BCL11B: variants seen among roughly 807,000 people sequenced by gnomAD.
BCL11B encodes BCL11 transcription factor B.
A neutral mutation model predicts 49.9 loss-of-function variants in BCL11B; 8 were observed. The observed-to-expected ratio is 0.16, with a 90% confidence interval of 0.09 to 0.29. BCL11B has a LOEUF of 0.29. BCL11B is among the 10% of genes least tolerant of loss of function. The pLI is 1.00. For synonymous variants in BCL11B, 739 were observed against 637.4 expected, an observed-to-expected ratio of 1.16 and a Z score of -2.40; for missense variants, 1,006 against 1,351.0, an observed-to-expected ratio of 0.74 and a Z score of 4.00.
At chr14:99,250,535 T>C (rs1457109584) in intron 2 of BCL11B, among the ~76,000 whole-genome samples, 1 of 152,100 alleles carries the variant, frequency 6.6e-6, no homozygotes, top group Non-Finnish European at 1.5e-5. Flanking sequence ...CAGCCTTATT[T>C]CTATAGATTA....
In BCL11B at chr14:99,194,470, C is replaced by T. The variant is rs1383247964; in HGVS notation, c.641-18275G>A. ...TTCTGCCCTGTGGGGCACCCAGAAC[C>T]CCATCCAGTGTTGCCCATGCACCTT... On this transcript the variant is annotated intron_variant, in intron 3 of 3. Coordinates refer to ENST00000357195, the MANE Select transcript of BCL11B (RefSeq NM_138576.4). The surrounding 1 kb of genome is among the most constrained non-coding windows in gnomAD (Gnocchi z 4.6). 6.6e-6 allele frequency among the ~76,000 whole-genome samples: 1 copy of T among 152,198 alleles called. No homozygotes were observed.
In BCL11B at chr14:99,231,537, G is replaced by T; in HGVS notation, c.448C>A (p.Leu150Met). The change falls in exon 3 of 4, where the codon CTG becomes ATG. Residue 150 changes from leucine (L) to methionine (M), a missense_variant. By Grantham distance (15) the Leu-to-Met change is conservative. Coordinates refer to ENST00000357195, the MANE Select transcript of BCL11B (RefSeq NM_138576.4). The surrounding 1 kb of genome is among the most constrained non-coding windows in gnomAD (Gnocchi z 8.1). ...GCAGCTATGGGGGCCACCGCTGGCA[G>T]CTGGGCAGGCCTGCACGGCCCTGGA... is the stretch of plus-strand genomic sequence containing the variant. ...NIAGPCRPAQ[L>M]PAVAPIAASS... is the part of the protein sequence containing the mutation. 1 of 1,586,408 alleles carries T rather than the reference G, an allele frequency of 6.3e-7. No homozygotes were observed. Among genetic ancestry groups the T allele is most frequent in the Non-Finnish European group, 8.6e-7 (1 of 1,166,370 alleles).
intron 3 of BCL11B, among the ~76,000 whole-genome samples, chr14:99,200,383 A>G (rs1013436190): frequency 2.0e-5 from 3 of 152,226 alleles, no homozygotes; most frequent in Admixed American, 2.0e-4. Context: ...GCCAAGTGCC[A>G]AGAAGCCAAT....
At chr14:99,183,252 C>T (rs1180124393) in intron 3 of BCL11B, among the ~76,000 whole-genome samples, 1 of 152,134 alleles carries the variant, frequency 6.6e-6, no homozygotes, top group African/African-American at 2.4e-5. Context: ...ACGCAGTGAC[C>T]ATTGACCGAA....
intron 3 of BCL11B, among the ~76,000 whole-genome samples, chr14:99,206,858 C>A (rs147732204): frequency 6.6e-4 from 101 of 152,198 alleles, no homozygotes; most frequent in African/African-American, 2.3e-3. Flanking sequence ...GGAACATATC[C>A]CCCCAAGGAT....
rs545826280 is a variant in BCL11B at position 99,170,262 on chromosome 14, T to G, written c.*3889A>C. Reference sequence around the variant, plus strand: ...GCTTTCTCTCCCATTCCCTCCCCCCTTTTTTTTAACTTTGCAAAGGTAAGT... The same window carrying G: ...GCTTTCTCTCCCATTCCCTCCCCCCGTTTTTTTAACTTTGCAAAGGTAAGT... On this transcript the variant is annotated 3_prime_UTR_variant, in exon 4 of 4. Coordinates refer to ENST00000357195, the MANE Select transcript of BCL11B (RefSeq NM_138576.4). The G allele has an allele frequency of 1.4e-4, 31 of 213,986 alleles. No homozygotes were observed. Among genetic ancestry groups the G allele is most frequent in the Non-Finnish European group, 2.5e-4 (26 of 105,796 alleles). 13.3% of individuals were successfully genotyped at this position (213,986 alleles called of 1,614,324 possible). A position where few individuals can be genotyped will look rare whatever the true frequency, so the allele number is the denominator to read the frequency against.
chr14:99,229,856 C>T (rs1428973528), intron 3 of BCL11B, among the ~76,000 whole-genome samples: 2 of 152,102 alleles, frequency 1.3e-5, no homozygotes, highest in Non-Finnish European at 2.9e-5. Context: ...ACAGAGCAGG[C>T]ACCCCCTGCT....
chr14:99,169,583 T>C lies in BCL11B; in HGVS notation c.*4568A>G. ...ATAATAAATAGTTCCAAACTTGTAG[T>C]AAAAGACAAAACCTCCAAGTAAACA... On this transcript the variant is annotated 3_prime_UTR_variant, in exon 4 of 4. Coordinates refer to ENST00000357195, the MANE Select transcript of BCL11B (RefSeq NM_138576.4). 4.8e-6 allele frequency: 1 copy of C among 208,622 alleles called. No homozygotes were observed. The highest frequency in any genetic ancestry group is 9.8e-6 in the Non-Finnish European group (1 of 102,174). The allele number at this position is 208,622 out of a possible 1,614,324, so 12.9% of individuals were successfully genotyped here.
At chr14:99,223,865 T>C (rs1888084218) in intron 3 of BCL11B, among the ~76,000 whole-genome samples, 1 of 152,198 alleles carries the variant, frequency 6.6e-6, no homozygotes, top group Non-Finnish European at 1.5e-5. Flanking sequence ...AGATCTGCTC[T>C]TGAGCTGCAC....
chr14:99,198,015 C>G (rs575658165), intron 3 of BCL11B, among the ~76,000 whole-genome samples: 107 of 152,282 alleles, frequency 7.0e-4, no homozygotes, highest in Non-Finnish European at 1.3e-3. Flanking sequence ...CACGCGTGGG[C>G]TTAGTGTGTA....
chr14:99,196,587 T>C (rs1887185904), intron 3 of BCL11B, among the ~76,000 whole-genome samples: 2 of 152,216 alleles, frequency 1.3e-5, no homozygotes, highest in Non-Finnish European at 2.9e-5. Flanking sequence ...TCATGTGCCC[T>C]GACCATTCCC....
Position 99,271,843 on chromosome 14 carries a change from C to T in BCL11B, c.-625G>A, listed in dbSNP as rs1889700658. ...CCCTCACCCCGCCCCCTCAAAAAAC[C>T]CAAAGCAATGTAAAACTGCCCCGGT... On this transcript the variant is annotated 5_prime_UTR_variant, in exon 1 of 4. Transcript: ENST00000357195. Among the ~76,000 whole-genome samples the T allele has an allele frequency of 6.6e-6, 1 of 152,068 alleles. No homozygotes were observed. The highest frequency in any genetic ancestry group is 6.5e-5 in the Admixed American group (1 of 15,276).
intron 3 of BCL11B, among the ~76,000 whole-genome samples, chr14:99,179,473 TAAAAAAA>T (rs35703913): frequency 2.2e-4 from 12 of 54,570 alleles, no homozygotes; most frequent in African/African-American, 4.1e-4. Flanking sequence ...GAATCCATCT[TAAAAAAA>T]AAAAAAAAAA....
chr14:99,269,521 C>CG (rs959071300), intron 1 of BCL11B, among the ~76,000 whole-genome samples: 1 of 132,072 alleles, frequency 7.6e-6, no homozygotes, highest in Non-Finnish European at 1.8e-5. Flanking sequence ...CTATTCCCCC[C>CG]CCCCCAAAAA....
chr14:99,193,637 T>C (rs866303678), intron 3 of BCL11B, among the ~76,000 whole-genome samples: 9 of 152,044 alleles, frequency 5.9e-5, no homozygotes, highest in Admixed American at 1.3e-4. Context: ...ATGAAATAAA[T>C]GATTAAAGCC....
rs1054061163 is a variant in BCL11B at position 99,194,514 on chromosome 14, T to C, written c.641-18319A>G. ...GCACCTTGAACAAAGGACTGAACAC[T>C]ATGGGGTTCTATTCCCAACCAGCTA... On this transcript the variant is annotated intron_variant, in intron 3 of 3. Coordinates refer to ENST00000357195, the MANE Select transcript of BCL11B (RefSeq NM_138576.4). The surrounding 1 kb of genome is among the most constrained non-coding windows in gnomAD (Gnocchi z 4.6). Among the ~76,000 whole-genome samples the C allele has an allele frequency of 6.6e-6, 1 of 152,152 alleles. No homozygotes were observed. The highest frequency in any genetic ancestry group is 1.5e-5 in the Non-Finnish European group (1 of 68,010).
chr14:99,209,591 C>T (rs1465826201), intron 3 of BCL11B, among the ~76,000 whole-genome samples: 1 of 152,152 alleles, frequency 6.6e-6, no homozygotes, highest in Non-Finnish European at 1.5e-5. Context: ...CAGGATCCAG[C>T]CCCTGGGGAG....
chr14:99,238,835 G>A lies in BCL11B; in HGVS notation c.428-7278C>T, dbSNP rs192751933. ...ACAAAAATGAATATAACTCCTCTGG[G>A]TGACCTCAGGCAGGCAGGGTCCACC... On this transcript the variant is annotated intron_variant, in intron 2 of 3. Transcript: ENST00000357195. 5.9e-4 allele frequency among the ~76,000 whole-genome samples: 90 copies of A among 152,300 alleles called. 1 individual carries two copies. Among genetic ancestry groups the A allele is most frequent in the East Asian group, 1.2e-3 (6 of 5,190 alleles).
At chr14:99,266,678 CCCG>C (rs1889491944) in intron 1 of BCL11B, among the ~76,000 whole-genome samples, 1 of 152,220 alleles carries the variant, frequency 6.6e-6, no homozygotes, top group African/African-American at 2.4e-5. Flanking sequence ...CTGATGGAAG[CCCG>C]TTCCTAGCCC....
Sources: gnomAD v4.1 joint callset for allele counts (sites outside exome capture counted in the v4.1 genomes callset) on GRCh38, gnomAD v4.1.1 for gene constraint, Gnocchi (gnomAD v3.1) non-coding constraint, MANE v1.5 for transcripts, NCBI Gene and HGNC (gene_info 2026-07-23, HGNC 2026-07-21) for gene names.